CDH8: variants seen among roughly 807,000 people sequenced by gnomAD.
The protein encoded by CDH8 is cadherin-8.
In CDH8, 17 loss-of-function variants were observed where a neutral mutation model predicts 68.1. The ratio of observed to expected loss-of-function variants is 0.25; its 90% CI spans 0.17 to 0.37. The LOEUF (loss-of-function observed/expected upper bound fraction) is 0.37, where lower values mean the gene tolerates loss of function less well. CDH8 is among the 10% of genes least tolerant of loss of function. CDH8 has a pLI of 1.00. For synonymous variants in CDH8, 372 were observed against 365.1 expected (o/e 1.02, Z -0.21); for missense variants, 763 against 999.3 (o/e 0.76, Z 3.19).
At chr16:61,990,867 GGGAA>G (rs1422001654) in intron 2 of CDH8, among the ~76,000 whole-genome samples, 9 of 148,982 alleles carry the variant, frequency 6.0e-5, no homozygotes, top group Admixed American at 2.0e-4. Flanking sequence ...GAGGGAGGGA[GGGAA>G]GGAAGGAAGG....
chr16:61,959,978 G>GTATATATATATATATATATATATA (rs1230866201), intron 2 of CDH8, among the ~76,000 whole-genome samples: 2 of 46,502 alleles, frequency 4.3e-5, no homozygotes, highest in Non-Finnish European at 8.4e-5. Flanking sequence ...GTATGTGTGT[G>GTATATATATATATATATATATATA]TGTGTGTATA....
intron 3 of CDH8, among the ~76,000 whole-genome samples, chr16:61,885,196 A>G (rs1171165926): frequency 6.6e-6 from 1 of 152,162 alleles, no homozygotes; most frequent in Non-Finnish European, 1.5e-5. Flanking sequence ...ATATCAGTTA[A>G]TCATGTGACT....
chr16:61,794,801 T>C (rs889577794), intron 7 of CDH8, among the ~76,000 whole-genome samples: 2 of 152,090 alleles, frequency 1.3e-5, no homozygotes, highest in African/African-American at 2.4e-5. Flanking sequence ...GAACTGATCA[T>C]TGAAGATTCA....
intron 2 of CDH8, among the ~76,000 whole-genome samples, chr16:61,953,919 A>ATC (rs1189852512): frequency 2.8e-4 from 40 of 143,942 alleles, no homozygotes; most frequent in Non-Finnish European, 4.5e-4. Flanking sequence ...ATATATATAT[A>ATC]TATATATAAA....
intron 2 of CDH8, among the ~76,000 whole-genome samples, chr16:62,013,579 A>T (rs560750356): frequency 1.6e-4 from 24 of 152,304 alleles, no homozygotes; most frequent in African/African-American, 5.3e-4. Flanking sequence ...TATTTTAATA[A>T]TTATTTTCTA....
chr16:61,859,549 T>A, intron 3 of CDH8, among the ~76,000 whole-genome samples: 1 of 152,136 alleles, frequency 6.6e-6, no homozygotes, highest in East Asian at 1.9e-4. Flanking sequence ...GGCCTCCGGA[T>A]TTAATTGGAA....
chr16:61,857,041 T>C (rs1963059941), intron 4 of CDH8, 78 bp downstream of exon 4: 17 of 1,542,620 alleles, frequency 1.1e-5, no homozygotes, highest in Non-Finnish European at 1.5e-5. Flanking sequence ...ACATAATATT[T>C]CATAACCCAA....
chr16:61,688,668 T>C (rs753973841), intron 10 of CDH8, among the ~76,000 whole-genome samples: 6 of 151,976 alleles, frequency 3.9e-5, no homozygotes, highest in Non-Finnish European at 8.8e-5. Flanking sequence ...TTCAAAGAGC[T>C]TAAATTCCCT....
At chr16:61,728,965 G>T (rs895356285) in intron 8 of CDH8, among the ~76,000 whole-genome samples, 1 of 151,004 alleles carries the variant, frequency 6.6e-6, no homozygotes. Context: ...ATACAGTATT[G>T]GACACACATT....
At chr16:61,778,627 T>C (rs1040188058) in intron 8 of CDH8, among the ~76,000 whole-genome samples, 1 of 152,156 alleles carries the variant, frequency 6.6e-6, no homozygotes. Context: ...CTTAAGATTG[T>C]AGGTAAATTA....
chr16:61,701,012 T>C (rs373531315), intron 10 of CDH8, among the ~76,000 whole-genome samples: 1 of 152,276 alleles, frequency 6.6e-6, no homozygotes, highest in African/African-American at 2.4e-5. Context: ...CCCACAAATA[T>C]GTACAGTTAA....
intron 8 of CDH8, among the ~76,000 whole-genome samples, chr16:61,776,712 T>C (rs1960908901): frequency 1.3e-5 from 2 of 152,152 alleles, no homozygotes; most frequent in South Asian, 4.1e-4. Context: ...TGAGTTTATA[T>C]TATGATTAAT....
chr16:61,972,560 A>G (rs1965356233), intron 2 of CDH8, among the ~76,000 whole-genome samples: 1 of 123,932 alleles, frequency 8.1e-6, no homozygotes, highest in Non-Finnish European at 1.6e-5. Context: ...TTTTTCTGGG[A>G]ACACATTGTG....
At chr16:61,803,824 C>A (rs969981784) in intron 7 of CDH8, among the ~76,000 whole-genome samples, 3 of 135,090 alleles carry the variant, frequency 2.2e-5, no homozygotes, top group African/African-American at 9.1e-5. Context: ...AAAGCAAGTC[C>A]TGAGTGACCT....
intron 10 of CDH8, among the ~76,000 whole-genome samples, chr16:61,689,429 C>T (rs964174352): frequency 6.6e-6 from 1 of 151,934 alleles, no homozygotes; most frequent in African/African-American, 2.4e-5. Context: ...CTACCCCAAA[C>T]CCAACTTTCT....
chr16:61,920,071 T>A (rs1476288677), intron 2 of CDH8, among the ~76,000 whole-genome samples: 20 of 148,682 alleles, frequency 1.3e-4, no homozygotes, highest in Non-Finnish European at 3.0e-4. Context: ...TGAAACTGGA[T>A]CCCTTCCTTA....
chr16:61,671,883 A>G (rs1963803798), intron 10 of CDH8, among the ~76,000 whole-genome samples: 1 of 152,112 alleles, frequency 6.6e-6, no homozygotes, highest in Admixed American at 6.6e-5. Context: ...GATTGAAAAA[A>G]AAAGATACCT....
chr16:62,034,790 T>C (rs896771501), intron 1 of CDH8, among the ~76,000 whole-genome samples: 1 of 152,220 alleles, frequency 6.6e-6, no homozygotes, highest in African/African-American at 2.4e-5. Flanking sequence ...TGATAAGCTC[T>C]ATCGTTTAAT....
chr16:61,935,089 C>A (rs955495895), intron 2 of CDH8, among the ~76,000 whole-genome samples: 3 of 152,128 alleles, frequency 2.0e-5, no homozygotes, highest in African/African-American at 4.8e-5. Flanking sequence ...GAAATGATTA[C>A]ACATGGATTG....
Sources: gnomAD v4.1 joint callset for allele counts (sites outside exome capture counted in the v4.1 genomes callset) on GRCh38, gnomAD v4.1.1 for gene constraint, MANE v1.5 for transcripts, NCBI Gene and HGNC (gene_info 2026-07-23, HGNC 2026-07-21) for gene names.